Variants in WDFY4 observed in about 807,000 individuals in gnomAD.
WDFY4 encodes WD repeat- and FYVE domain-containing protein 4.
A neutral mutation model predicts 351.9 loss-of-function variants in WDFY4; 169 were observed. The ratio of observed to expected loss-of-function variants is 0.48; its 90% CI spans 0.42 to 0.55. The LOEUF (loss-of-function observed/expected upper bound fraction) is 0.55. Among genes scored for constraint, WDFY4 ranks in the 20% least tolerant of loss-of-function variants. The pLI is 0.00. For missense variants in WDFY4, 3,803 were observed against 3,935.6 expected (o/e 0.97, Z 0.90); for synonymous variants, 1,622 against 1,574.6 (o/e 1.03, Z -0.71).
At chr10:48,697,846 G>A (rs1388975063) in intron 1 of WDFY4, among the ~76,000 whole-genome samples, 2 of 152,040 alleles carry the variant, frequency 1.3e-5, no homozygotes, top group Non-Finnish European at 2.9e-5. Flanking sequence ...CCCTTTTCTG[G>A]TCCCACATGA....
intron 44 of WDFY4, among the ~76,000 whole-genome samples, chr10:48,892,768 T>C (rs1388189550): frequency 6.6e-6 from 1 of 152,252 alleles, no homozygotes; most frequent in Admixed American, 6.5e-5. Context: ...GCCTGTCCGA[T>C]GTACCATAAA....
chr10:48,828,871 A>G lies in WDFY4; in HGVS notation c.6315A>G (p.Arg2105=). ...LSPNEDVKEK[R]EDLPSLSDVQ... ...CAAATGAAGACGTGAAAGAAAAAAG[A>G]GAAGACTTACCAAGTTTGAGTGATG... Residue 2105 remains arginine, a synonymous_variant, in exon 37 of 62, where the codon AGA becomes AGG. Coordinates refer to ENST00000325239, the MANE Select transcript of WDFY4 (RefSeq NM_001394531.1). 7.4e-7 allele frequency: 1 copy of G among 1,357,078 alleles called. No homozygotes were observed. The highest frequency in any genetic ancestry group is 9.7e-7 in the Non-Finnish European group (1 of 1,034,326). 84.1% of individuals were successfully genotyped at this position (1,357,078 alleles called of 1,614,324 possible).
At chr10:48,766,935 G>T (rs1330691775) in intron 13 of WDFY4, among the ~76,000 whole-genome samples, 1 of 152,218 alleles carries the variant, frequency 6.6e-6, no homozygotes. Flanking sequence ...CCAAAGGAGA[G>T]CACTTGCTCT....
chr10:48,713,678 G>C lies in WDFY4; in HGVS notation c.234+3712G>C, dbSNP rs974665969. On this transcript the variant is annotated intron_variant, in intron 2 of 61. Transcript: ENST00000325239. ...ATGGGATTCTCATCCAGAACAGCAG[G>C]CTCCCTCCTCACCTAGGGTTCCTCA... Among the ~76,000 whole-genome samples, 4 of 152,290 alleles carry C rather than the reference G, an allele frequency of 2.6e-5. No individual in the cohort carries two copies. In the South Asian group the frequency reaches 6.2e-4, roughly 24 times the overall value.
intron 39 of WDFY4, among the ~76,000 whole-genome samples, chr10:48,834,752 A>T (rs2068322496): frequency 6.6e-6 from 1 of 152,184 alleles, no homozygotes; most frequent in Non-Finnish European, 1.5e-5. Flanking sequence ...ATGGGCATTC[A>T]TCTCATGGGA....
chr10:48,815,838 G>T (rs1350397311), intron 31 of WDFY4, among the ~76,000 whole-genome samples: 1 of 151,160 alleles, frequency 6.6e-6, no homozygotes, highest in African/African-American at 2.4e-5. Context: ...TATTCTGTTT[G>T]TATTTTCTTT....
In WDFY4 at chr10:48,789,974, T is replaced by C. The variant is rs750802169; in HGVS notation, c.4055T>C (p.Val1352Ala). The C allele has an allele frequency of 7.1e-6, 11 of 1,552,308 alleles. No individual in the cohort carries two copies. Among genetic ancestry groups the C allele is most frequent in the Non-Finnish European group, 8.7e-7 (1 of 1,147,114 alleles). The change falls in exon 22 of 62, where the codon GTG (valine) becomes GCG (alanine). Residue 1352 changes from valine (V) to alanine (A), a missense_variant. Val to Ala is a moderately conservative substitution (Grantham distance 64). Around this residue, in one of 3 missense-constraint regions of WDFY4, gnomAD observed 3,054 missense variants for 3,148.6 expected, o/e 0.97. Coordinates refer to ENST00000325239, the MANE Select transcript of WDFY4 (RefSeq NM_001394531.1). ...GSLRTIGAVA[V>A]GQLGVRVFHS... is the part of the protein sequence containing the mutation. ...CTGCGGACCATTGGAGCTGTTGCTG[T>C]GGGTCAATTAGGTATGTTCAACTGG...
chr10:48,696,805 T>A (rs1215158419), intron 1 of WDFY4, among the ~76,000 whole-genome samples: 1 of 152,258 alleles, frequency 6.6e-6, no homozygotes, highest in Non-Finnish European at 1.5e-5. Flanking sequence ...CAGTGCGCAC[T>A]CTGTGGGCAT....
intron 43 of WDFY4, among the ~76,000 whole-genome samples, chr10:48,881,468 C>T (rs2070246196): frequency 6.6e-6 from 1 of 152,138 alleles, no homozygotes. Flanking sequence ...GAGGCCTGAC[C>T]AGCTGGAATG....
At position 48,803,214 on chromosome 10, in the gene WDFY4, C is replaced by A. The variant is rs898005307; in HGVS notation, c.4411-72C>A. ...AGAGGATCACCTGTCCAGCACTGAC[C>A]TTCTCATGCTTCCTGCAAATCATTC... On this transcript the variant is annotated intron_variant, in intron 24 of 61. Coordinates refer to ENST00000325239, the MANE Select transcript of WDFY4 (RefSeq NM_001394531.1). The A allele has an allele frequency of 2.2e-5, 32 of 1,464,388 alleles. No homozygotes were observed. In the African/African-American group the frequency reaches 3.4e-4, roughly 15 times the overall value. 90.7% of individuals were successfully genotyped at this position (1,464,388 alleles called of 1,614,324 possible).
At chr10:48,870,935 T>G (rs944548176) in intron 40 of WDFY4, among the ~76,000 whole-genome samples, 1 of 127,400 alleles carries the variant, frequency 7.8e-6, no homozygotes, top group Non-Finnish European at 1.6e-5. Flanking sequence ...GGGGTGGATA[T>G]GCGTTCTTTT....
At chr10:48,782,997 A>T (rs1171785867) in intron 19 of WDFY4, among the ~76,000 whole-genome samples, 1 of 152,210 alleles carries the variant, frequency 6.6e-6, no homozygotes, top group Non-Finnish European at 1.5e-5. Flanking sequence ...ATAAGAGAGC[A>T]CAGAAAATCA....
At chr10:48,710,997 G>C (rs918833339) in intron 2 of WDFY4, among the ~76,000 whole-genome samples, 1 of 152,192 alleles carries the variant, frequency 6.6e-6, no homozygotes. Context: ...TTTTTGAAAA[G>C]CGTATACCTA....
intron 12 of WDFY4, among the ~76,000 whole-genome samples, chr10:48,753,905 A>G (rs1235316782): frequency 1.3e-5 from 2 of 152,230 alleles, no homozygotes; most frequent in African/African-American, 2.4e-5. Flanking sequence ...TGGGCTTTTC[A>G]TAAATGCCCT....
At chr10:48,768,664 C>A (rs1348701902) in intron 13 of WDFY4, among the ~76,000 whole-genome samples, 1 of 150,046 alleles carries the variant, frequency 6.7e-6, no homozygotes, top group Non-Finnish European at 1.5e-5. Flanking sequence ...CTAGGGAAAC[C>A]AAGGTGAAGA....
At chr10:48,868,150 T>C (rs2069621304) in intron 40 of WDFY4, among the ~76,000 whole-genome samples, 1 of 152,204 alleles carries the variant, frequency 6.6e-6, no homozygotes, top group African/African-American at 2.4e-5. Context: ...ACTAATCATC[T>C]GAAACTGAGT....
Position 48,946,115 on chromosome 10 carries a change from C to T in WDFY4, c.7825C>T (p.Leu2609=). 1 of 1,548,310 alleles carries T rather than the reference C, an allele frequency of 6.5e-7. No individual in the cohort carries two copies. Among genetic ancestry groups the T allele is most frequent in the Non-Finnish European group, 8.7e-7 (1 of 1,146,120 alleles). ...PMGAQTKERK[L]KFIQRFKEVE... ...GGGGGCTCAGACCAAGGAAAGGAAG[C>T]TGAAATTTATCCAGAGGTTTAAAGA... The change falls in exon 50 of 62, where the codon CTG becomes TTG. Residue 2609 remains leucine, a synonymous_variant. Coordinates refer to ENST00000325239, the MANE Select transcript of WDFY4 (RefSeq NM_001394531.1).
At chr10:48,874,013 C>T (rs1363991413) in intron 41 of WDFY4, among the ~76,000 whole-genome samples, 1 of 152,222 alleles carries the variant, frequency 6.6e-6, no homozygotes, top group African/African-American at 2.4e-5. Context: ...CCTGTGGAAT[C>T]ATCTGGATGC....
At position 48,976,936 on chromosome 10, in the gene WDFY4, C is replaced by T; in HGVS notation, c.9248C>T (p.Thr3083Ile). 1 of 1,512,450 alleles carries T rather than the reference C, an allele frequency of 6.6e-7. No homozygotes were observed. The highest frequency in any genetic ancestry group is 1.3e-5 in the South Asian group (1 of 78,736). 93.7% of individuals were successfully genotyped at this position (1,512,450 alleles called of 1,614,324 possible). Residue 3083 changes from threonine (T) to isoleucine (I), a missense_variant, in exon 59 of 62, where the codon ACA becomes ATA. Coordinates refer to ENST00000325239, the MANE Select transcript of WDFY4 (RefSeq NM_001394531.1). ...CTGATGGAGGGCCCAGCATGGGACA[C>T]AAGCCAGATCATCATCACCGGGAGT... ...CCLMEGPAWDTSQIIITGSQD... is the reference protein window; with the variant it reads ...CCLMEGPAWDISQIIITGSQD...
Sources: allele counts gnomAD v4.1 joint callset (sites outside exome capture counted in the v4.1 genomes callset), GRCh38; gene constraint gnomAD v4.1.1; regional missense constraint gnomAD v4.1.1; transcripts MANE v1.5; gene names NCBI Gene and HGNC (gene_info 2026-07-23, HGNC 2026-07-21).